The following DPY19L4 variants were observed in gnomAD, a reference collection of about 807,000 sequenced individuals.
The protein encoded by DPY19L4 is probable C-mannosyltransferase DPY19L4.
In DPY19L4, 97 loss-of-function variants were observed where a neutral mutation model predicts 102.8. The ratio of observed to expected loss-of-function variants is 0.94; its 90% CI spans 0.80 to 1.12. The LOEUF (loss-of-function observed/expected upper bound fraction) is 1.12, where lower values mean the gene tolerates loss of function less well. Ranked by LOEUF, DPY19L4 falls within the 50% of genes most tolerant of loss-of-function variation. DPY19L4 has a pLI of 0.00. For missense variants in DPY19L4, 815 were observed against 850.4 expected (o/e 0.96, Z 0.52); for synonymous variants, 252 against 283.1 (o/e 0.89, Z 1.10).
intron 4 of DPY19L4, among the ~76,000 whole-genome samples, chr8:94,738,842 T>C (rs1406344476): frequency 6.6e-6 from 1 of 152,188 alleles, no homozygotes; most frequent in Non-Finnish European, 1.5e-5. Flanking sequence ...AAATAAAACT[T>C]TGTTCTTCTA....
At position 94,780,308 on chromosome 8, in the gene DPY19L4, G is replaced by A. The variant is rs545331661; in HGVS notation, c.1576-51G>A. The stretch of plus-strand genomic sequence containing the variant: ...AGAATCAGTGTCTATTACCTCTAAC[G>A]TGTGTTCTGAAATGTATTTATTTGT... On this transcript the variant is annotated intron_variant, in intron 14 of 18. Transcript: ENST00000414645. 38 of 1,325,914 alleles carry A rather than the reference G, an allele frequency of 2.9e-5. No homozygotes were observed. In the Middle Eastern group the frequency reaches 6.2e-4, roughly 22 times the overall value. The allele number at this position is 1,325,914 out of a possible 1,614,324, so 82.1% of individuals were successfully genotyped here.
chr8:94,758,129 G>A (rs969523231), intron 7 of DPY19L4, among the ~76,000 whole-genome samples: 4 of 151,796 alleles, frequency 2.6e-5, no homozygotes, highest in East Asian at 3.9e-4. Context: ...AATAGAGTTT[G>A]GTATAGCAAA....
intron 13 of DPY19L4, among the ~76,000 whole-genome samples, chr8:94,775,740 A>T (rs1365017080): frequency 6.6e-6 from 1 of 152,200 alleles, no homozygotes; most frequent in Non-Finnish European, 1.5e-5. Context: ...GACACCAGGG[A>T]ATATATCATA....
At chr8:94,744,704 TAAAC>T in intron 6 of DPY19L4, 2 of 370,244 alleles carry the variant, frequency 5.4e-6, no homozygotes, top group South Asian at 2.1e-5. Flanking sequence ...TTATGCTACT[TAAAC>T]AAAAGAATAA....
At chr8:94,747,471 G>C (rs192143227) in intron 6 of DPY19L4, among the ~76,000 whole-genome samples, 42 of 151,650 alleles carry the variant, frequency 2.8e-4, no homozygotes, top group Middle Eastern at 6.9e-3. Context: ...AACACCACAC[G>C]AAAGTGAGCA....
chr8:94,779,171 A>G (rs1346795277), intron 14 of DPY19L4, among the ~76,000 whole-genome samples: 4 of 151,856 alleles, frequency 2.6e-5, no homozygotes, highest in Middle Eastern at 3.4e-3. Context: ...GTACTGTTTG[A>G]AGCATTTCAC....
Position 94,768,526 on chromosome 8 carries a change from T to A in DPY19L4, c.1307T>A (p.Met436Lys), listed in dbSNP as rs754231778. ...GTGTTAATTATTTGTTTTCTTTCTA[T>A]GTTGCAAGTTATTTTTAGGAGGATT... is the stretch of plus-strand genomic sequence containing the variant. ...ILVLIICFLS[M>K]LQVIFRRING... is the part of the protein sequence containing the mutation. The change falls in exon 12 of 19, where the codon ATG (methionine) becomes AAG (lysine). Residue 436 changes from methionine to lysine, a missense_variant. Physicochemically the swap from Met to Lys is moderately conservative, Grantham distance 95 (BLOSUM62 -1). Coordinates refer to ENST00000414645, the MANE Select transcript of DPY19L4 (RefSeq NM_181787.3). 10 of 1,545,976 alleles carry A rather than the reference T, an allele frequency of 6.5e-6. No homozygotes were observed. The highest frequency in any genetic ancestry group is 1.8e-4 in the Middle Eastern group (1 of 5,692).
rs942334899 is a variant in DPY19L4 at position 94,777,844 on chromosome 8, A to G, written c.1575+58A>G. ...ATTATATAAAATCAAATGCTAATAA[A>G]TGGAAACTACATTGAATACAATTGA... On this transcript the variant is annotated intron_variant, in intron 14 of 18. Transcript: ENST00000414645. 55 of 1,544,084 alleles carry G rather than the reference A, an allele frequency of 3.6e-5. No homozygotes were observed. The African/African-American group carries it at 6.7e-4, about 19-fold the overall frequency.
intron 12 of DPY19L4, 114 bp downstream of exon 12, chr8:94,768,667 C>T: frequency 1.4e-6 from 1 of 714,820 alleles, no homozygotes; most frequent in Admixed American, 4.0e-5. Flanking sequence ...CTTCTATTTC[C>T]ATTCTCTTTT....
intron 6 of DPY19L4, among the ~76,000 whole-genome samples, chr8:94,741,300 G>A (rs1337931683): frequency 6.6e-6 from 1 of 152,152 alleles, no homozygotes; most frequent in East Asian, 1.9e-4. Flanking sequence ...AGCACCAAAT[G>A]AATGTCCTTT....
At position 94,720,092 on chromosome 8, in the gene DPY19L4, G is replaced by T. The variant is rs1017658393; in HGVS notation, c.16+78G>T. 1.4e-5 allele frequency: 20 copies of T among 1,472,054 alleles called. No individual in the cohort carries two copies. In the Admixed American group the frequency reaches 5.1e-4, roughly 38 times the overall value. 91.2% of individuals were successfully genotyped at this position (1,472,054 alleles called of 1,614,324 possible). ...AGGGGCGGGGGCGCTGGAGGTCTGGGTTGGAGCTGCTGGTGGCCGCGGTCG... is the reference window on the plus strand; with the variant it reads ...AGGGGCGGGGGCGCTGGAGGTCTGGTTTGGAGCTGCTGGTGGCCGCGGTCG... On this transcript the variant is annotated intron_variant, in intron 1 of 18. Transcript: ENST00000414645.
chr8:94,765,372 T>G (rs1036551769), intron 9 of DPY19L4, 58 bp downstream of exon 9: 41 of 1,471,254 alleles, frequency 2.8e-5, no homozygotes, highest in Non-Finnish European at 3.4e-5. Context: ...TGAAGTGGAG[T>G]CTCACTCTGT....
At position 94,777,701 on chromosome 8, in the gene DPY19L4, T is replaced by C. The variant is rs368256594; in HGVS notation, c.1490T>C (p.Leu497Ser). The C allele has an allele frequency of 9.3e-6, 15 of 1,613,988 alleles. No individual in the cohort carries two copies. The highest frequency in any genetic ancestry group is 2.7e-5 in the African/African-American group (2 of 74,920). ...ATCTGGATTCCTTATGTGTGCATGT[T>C]AGCAGCATTTGGTGTATGTTCTCCC... ...KYIWIPYVCM[L>S]AAFGVCSPEL... Residue 497 changes from leucine to serine, a missense_variant, in exon 14 of 19, where the codon TTA becomes TCA. Leu to Ser is a moderately radical substitution (Grantham distance 145). Coordinates refer to ENST00000414645, the MANE Select transcript of DPY19L4 (RefSeq NM_181787.3).
At chr8:94,770,836 GC>G (rs1394454319) in intron 13 of DPY19L4, among the ~76,000 whole-genome samples, 1 of 151,748 alleles carries the variant, frequency 6.6e-6, no homozygotes. Context: ...GTTGCAATGA[GC>G]CGAGATTGCG....
At chr8:94,772,065 ATTTATT>A (rs1229518876) in intron 13 of DPY19L4, among the ~76,000 whole-genome samples, 2 of 151,206 alleles carry the variant, frequency 1.3e-5, no homozygotes, top group African/African-American at 2.5e-5. Context: ...ATCTTGCACT[ATTTATT>A]TTTAAGTCTT....
rs547934881 is a variant in DPY19L4 at position 94,735,984 on chromosome 8, T to C, written c.252+1230T>C. ...GCTATAACAAAGTACCATAAGCTTATAAACAACAGAATGGCTTGTAAACAA... is the reference window on the plus strand; with the variant it reads ...GCTATAACAAAGTACCATAAGCTTACAAACAACAGAATGGCTTGTAAACAA... On this transcript the variant is annotated intron_variant, in intron 3 of 18. Transcript: ENST00000414645. Among the ~76,000 whole-genome samples the C allele has an allele frequency of 2.6e-5, 4 of 152,304 alleles. No individual in the cohort carries two copies. The East Asian group carries it at 7.7e-4, about 29-fold the overall frequency.
chr8:94,757,471 G>A (rs1000191406), intron 7 of DPY19L4, among the ~76,000 whole-genome samples: 8 of 151,778 alleles, frequency 5.3e-5, no homozygotes, highest in South Asian at 2.1e-4. Context: ...GTGTGATGGC[G>A]TGATCTCTGC....
chr8:94,752,658 A>AT (rs895120253), intron 6 of DPY19L4, among the ~76,000 whole-genome samples: 114 of 137,814 alleles, frequency 8.3e-4, no homozygotes, highest in African/African-American at 2.9e-3. Context: ...TAGTTTTAGT[A>AT]TTTTTTTACG....
intron 2 of DPY19L4, among the ~76,000 whole-genome samples, chr8:94,728,459 A>T (rs973450650): frequency 3.3e-5 from 5 of 152,118 alleles, no homozygotes; most frequent in Non-Finnish European, 7.4e-5. Flanking sequence ...ATATCTAAAG[A>T]TGGGTTTGGA....
Sources: allele counts gnomAD v4.1 joint callset (sites outside exome capture counted in the v4.1 genomes callset), GRCh38; gene constraint gnomAD v4.1.1; transcripts MANE v1.5; gene names NCBI Gene and HGNC (gene_info 2026-07-23, HGNC 2026-07-21).